MRPS28: variants seen among roughly 807,000 people sequenced by gnomAD.
MRPS28 encodes small ribosomal subunit protein bS1m.
MRPS28 carries 7 observed loss-of-function variants against 10.8 expected under a neutral mutation model. The ratio of observed to expected loss-of-function variants is 0.65; its 90% CI spans 0.37 to 1.22. The LOEUF (loss-of-function observed/expected upper bound fraction) is 1.22, where lower values mean the gene tolerates loss of function less well. Among genes scored for constraint, MRPS28 ranks in the 50% most tolerant of loss-of-function variants. The pLI is 0.02. For synonymous variants in MRPS28, 121 were observed against 93.3 expected (o/e 1.30, Z -1.71); for missense variants, 265 against 232.9 (o/e 1.14, Z -0.90).
chr8:79,986,541 A>C (rs1366780464), intron 2 of MRPS28, among the ~76,000 whole-genome samples: 9 of 152,240 alleles, frequency 5.9e-5, no homozygotes, highest in East Asian at 3.8e-4. Flanking sequence ...GTCTCAGCCC[A>C]AAATCTCCTT....
rs556708017 is a variant in MRPS28, at chr8:80,005,317, G to C, written c.214-2137C>G. Among the ~76,000 whole-genome samples, 3 of 152,306 alleles carry C rather than the reference G, an allele frequency of 2.0e-5. No individual in the cohort carries two copies. The South Asian group carries it at 6.2e-4, about 32-fold the overall frequency. On this transcript the variant is annotated intron_variant, in intron 1 of 2. Transcript: ENST00000276585. ...CAGAAACTCTACAAGCCAGAAGAGA[G>C]TGGGGGCCAATATTCAACATTCTTA...
intron 2 of MRPS28, among the ~76,000 whole-genome samples, chr8:79,970,035 C>T (rs1208738861): frequency 6.6e-6 from 1 of 152,096 alleles, no homozygotes; most frequent in Non-Finnish European, 1.5e-5. Context: ...AAGTGTGATG[C>T]CATTCCTACA....
chr8:80,028,120 G>T (rs1809536918), intron 1 of MRPS28, among the ~76,000 whole-genome samples: 1 of 152,158 alleles, frequency 6.6e-6, no homozygotes, highest in Non-Finnish European at 1.5e-5. Context: ...TACATTTTTA[G>T]TTTCAAACAC....
At chr8:80,014,235 C>A (rs1809136693) in intron 1 of MRPS28, among the ~76,000 whole-genome samples, 1 of 152,104 alleles carries the variant, frequency 6.6e-6, no homozygotes, top group African/African-American at 2.4e-5. Context: ...TTCTGTCAAG[C>A]ACAAAATTCC....
chr8:79,987,362 A>G (rs1381606656), intron 2 of MRPS28, among the ~76,000 whole-genome samples: 1 of 152,258 alleles, frequency 6.6e-6, no homozygotes, highest in East Asian at 1.9e-4. Flanking sequence ...GGACATAGGC[A>G]TGGAAAAGGA....
intron 1 of MRPS28, among the ~76,000 whole-genome samples, chr8:80,025,544 C>T (rs932074639): frequency 6.6e-6 from 1 of 152,080 alleles, no homozygotes; most frequent in African/African-American, 2.4e-5. Context: ...TTAAGGCCTT[C>T]CTACTTAAAT....
chr8:80,030,054 C>T lies in MRPS28; in HGVS notation c.195G>A (p.Lys65=), dbSNP rs777009251. The T allele has an allele frequency of 5.1e-5, 82 of 1,613,472 alleles. No individual in the cohort carries two copies. Among genetic ancestry groups the T allele is most frequent in the Non-Finnish European group, 6.2e-5 (73 of 1,179,768 alleles). Residue 65 remains lysine (K), a synonymous_variant, in exon 1 of 3, where the codon AAG becomes AAA. Transcript: ENST00000276585. ...GCTCCACCTTCTGTAGGGGCTCCAC[C>T]TTCTGTAGAAGCTCCGAGTGCCGCT... ...ALERHSELLQ[K]VEPLQKGSPK...
intron 2 of MRPS28, among the ~76,000 whole-genome samples, chr8:79,968,644 A>G (rs1052200959): frequency 6.6e-6 from 1 of 151,724 alleles, no homozygotes; most frequent in Non-Finnish European, 1.5e-5. Context: ...TCAGGTATCT[A>G]TATATCTGCC....
At chr8:79,966,893 G>A (rs1475880560) in intron 2 of MRPS28, among the ~76,000 whole-genome samples, 1 of 151,960 alleles carries the variant, frequency 6.6e-6, no homozygotes, top group Non-Finnish European at 1.5e-5. Flanking sequence ...GCTATTCCAA[G>A]GTATAAATTG....
At chr8:79,985,250 G>A (rs1344676761) in intron 2 of MRPS28, among the ~76,000 whole-genome samples, 6 of 152,128 alleles carry the variant, frequency 3.9e-5, no homozygotes, top group South Asian at 2.1e-4. Flanking sequence ...ACAACATACC[G>A]GAATCTCTGG....
intron 2 of MRPS28, among the ~76,000 whole-genome samples, chr8:79,919,941 T>TCCCCCCTC (rs1554567158): frequency 2.2e-5 from 2 of 89,420 alleles, no homozygotes; most frequent in Non-Finnish European, 4.5e-5. Context: ...ATGCTATCCC[T>TCCCCCCTC]CCCCCCACCC....
At chr8:79,932,101 G>A (rs534325399) in intron 2 of MRPS28, among the ~76,000 whole-genome samples, 2 of 152,260 alleles carry the variant, frequency 1.3e-5, no homozygotes, top group African/African-American at 2.4e-5. Context: ...ACTCAAAAAT[G>A]TTTTTTAGAG....
chr8:79,942,302 A>C (rs998541480), intron 2 of MRPS28, among the ~76,000 whole-genome samples: 1 of 152,236 alleles, frequency 6.6e-6, no homozygotes, highest in Non-Finnish European at 1.5e-5. Context: ...GCAGCACAGT[A>C]CTTTGGGGTG....
In MRPS28 at chr8:79,931,900, T is replaced by C. The variant is rs201537021; in HGVS notation, c.396-12752A>G. On this transcript the variant is annotated intron_variant, in intron 2 of 2. Transcript: ENST00000276585. ...AGCTAAAGGCTTCTAATCTACTGGA[T>C]AAGCAACAGCATCCGGACTTTTGAA... Among the ~76,000 whole-genome samples the C allele has an allele frequency of 2.0e-5, 3 of 152,340 alleles. No homozygotes were observed. In the East Asian group the frequency reaches 5.8e-4, roughly 29 times the overall value.
intron 2 of MRPS28, among the ~76,000 whole-genome samples, chr8:79,965,825 A>G (rs2130020950): frequency 6.6e-6 from 1 of 152,206 alleles, no homozygotes; most frequent in Non-Finnish European, 1.5e-5. Context: ...ATGTCTCTCT[A>G]TGCTTAAGTC....
At chr8:80,022,443 AC>A (rs1809391324) in intron 1 of MRPS28, among the ~76,000 whole-genome samples, 2 of 152,308 alleles carry the variant, frequency 1.3e-5, no homozygotes, top group South Asian at 4.1e-4. Context: ...TCCCAGTGAC[AC>A]CCAGTTCTCA....
intron 2 of MRPS28, among the ~76,000 whole-genome samples, chr8:79,981,161 T>C (rs1279788903): frequency 6.6e-6 from 1 of 152,004 alleles, no homozygotes; most frequent in Admixed American, 6.6e-5. Context: ...AAACTCTGTC[T>C]CAACAAAAAA....
intron 2 of MRPS28, among the ~76,000 whole-genome samples, chr8:79,958,751 C>A (rs534370615): frequency 1.3e-5 from 2 of 152,094 alleles, no homozygotes; most frequent in Non-Finnish European, 2.9e-5. Context: ...CTGGATTCTG[C>A]TGGTATGAAG....
At chr8:79,922,818 C>A (rs999632894) in intron 2 of MRPS28, among the ~76,000 whole-genome samples, 1 of 151,748 alleles carries the variant, frequency 6.6e-6, no homozygotes, top group African/African-American at 2.4e-5. Flanking sequence ...CTTTAACAGT[C>A]TAAATATATA....
Sources: allele counts gnomAD v4.1 joint callset (sites outside exome capture counted in the v4.1 genomes callset), GRCh38; gene constraint gnomAD v4.1.1; transcripts MANE v1.5; gene names NCBI Gene and HGNC (gene_info 2026-07-23, HGNC 2026-07-21).